Variants in DUSP11 observed in about 807,000 individuals in gnomAD.
DUSP11 encodes the protein RNA/RNP complex-1-interacting phosphatase.
Under a neutral mutation model 41.4 loss-of-function variants are expected in DUSP11, and 27 were observed. The observed-to-expected ratio is 0.65, with a 90% CI of 0.48 to 0.90. The LOEUF (loss-of-function observed/expected upper bound fraction) is 0.90. Among genes scored for constraint, DUSP11 ranks in the 40% least tolerant of loss-of-function variants. DUSP11 has a pLI of 0.00. For synonymous variants in DUSP11, 188 were observed against 159.3 expected, an observed-to-expected ratio of 1.18 and a Z score of -1.35; for missense variants, 465 against 461.1, an observed-to-expected ratio of 1.01 and a Z score of -0.08.
At chr2:73,778,275 A>G in intron 2 of DUSP11, 26 bp downstream of exon 2, 1 of 1,533,600 alleles carries the variant, frequency 6.5e-7, no homozygotes, top group South Asian at 1.2e-5. Flanking sequence ...GATGCCTGAA[A>G]GAATACTGAA....
chr2:73,779,046 G>A (rs569225923), intron 1 of DUSP11, among the ~76,000 whole-genome samples: 46 of 152,204 alleles, frequency 3.0e-4, no homozygotes, highest in African/African-American at 1.0e-3. Context: ...AGCAACTTGG[G>A]CGGCTGAGGG....
At chr2:73,766,518 G>T in exon 8 of DUSP11, 1 of 1,614,064 alleles carries the variant, frequency 6.2e-7, no homozygotes, top group Non-Finnish European at 8.5e-7. Flanking sequence ...TGTTTAACAG[G>T]CTTATTGTGG....
At chr2:73,769,197 C>A (rs1401283487) in intron 5 of DUSP11, 68 bp downstream of exon 5, 1 of 1,377,760 alleles carries the variant, frequency 7.3e-7, no homozygotes, top group African/African-American at 1.4e-5. Flanking sequence ...TTTTTTACAA[C>A]CTTACATTAC....
At chr2:73,769,363 G>C (rs774903850) in intron 4 of DUSP11, 38 bp from the exon 5 acceptor site, 1 of 1,418,840 alleles carries the variant, frequency 7.0e-7, no homozygotes, top group Non-Finnish European at 9.9e-7. Context: ...AACTGAAGTA[G>C]ATACACAAGT....
exon 1 of DUSP11, chr2:73,780,011 G>T (rs1672761732): frequency 6.2e-7 from 1 of 1,614,124 alleles, no homozygotes; most frequent in African/African-American, 1.3e-5. Context: ...ATGCCAAGTC[G>T]GCCAAAAGCG....
At chr2:73,777,009 C>G (rs956482499) in intron 2 of DUSP11, among the ~76,000 whole-genome samples, 2 of 152,202 alleles carry the variant, frequency 1.3e-5, no homozygotes, top group African/African-American at 2.4e-5. Flanking sequence ...GAGACAGGGT[C>G]TTGCTCTGTT....
intron 8 of DUSP11, among the ~76,000 whole-genome samples, chr2:73,763,660 T>G (rs1672404330): frequency 6.6e-6 from 1 of 151,844 alleles, no homozygotes; most frequent in Non-Finnish European, 1.5e-5. Flanking sequence ...GAGGTGGAGG[T>G]TGCGGTGAGC....
chr2:73,766,813 T>C lies in DUSP11; in HGVS notation c.758+15A>G. On this transcript the variant is annotated intron_variant, in intron 7 of 8. Coordinates refer to ENST00000272444, the Ensembl canonical transcript of DUSP11. ...CCCTGACCCACAAATCTCACATATA[T>C]AACATAAGACTTACTTTCTGATAGG... The C allele has an allele frequency of 6.3e-7, 1 of 1,591,390 alleles. No homozygotes were observed. Among genetic ancestry groups the C allele is most frequent in the Non-Finnish European group, 8.6e-7 (1 of 1,160,330 alleles).
In DUSP11 at chr2:73,779,797, AG is replaced by A. The variant is rs1672757188; in HGVS notation, c.242+76del. On this transcript the variant is annotated intron_variant, in intron 1 of 8. Transcript: ENST00000272444. Reference sequence around the variant, plus strand: ...GCTTGCGATGGCAACGGCGAGAGGCAGAGACCACAAACGATGAAGCCCAGAC... The same window carrying A: ...GCTTGCGATGGCAACGGCGAGAGGCAAGACCACAAACGATGAAGCCCAGAC... 9 of 1,584,248 alleles carry A rather than the reference AG, an allele frequency of 5.7e-6. 1 individual carries two copies. In the South Asian group the frequency reaches 1.0e-4, roughly 18 times the overall value.
rs574278061 is a variant in DUSP11 at position 73,780,051 on chromosome 2, G to C, written c.65C>G (p.Ser22Cys). Residue 22 changes from serine (S) to cysteine (C), a missense_variant, in exon 1 of 9, where the codon TCT becomes TGT. Coordinates refer to ENST00000272444, the Ensembl canonical transcript of DUSP11. ...TCCGGCGCCCTCAATGCCAGGATAA[G>C]ACCCTAAACAGGAAAAGACTCGGCA... 6.2e-6 allele frequency: 10 copies of C among 1,612,000 alleles called. No homozygotes were observed. The Admixed American group carries it at 1.2e-4, about 19-fold the overall frequency.
intron 4 of DUSP11, 80 bp downstream of exon 4, chr2:73,773,720 T>C (rs957502633): frequency 7.8e-6 from 11 of 1,403,224 alleles, no homozygotes; most frequent in South Asian, 5.8e-5. Flanking sequence ...AGGTCTGAGG[T>C]TGGAACTATA....
At position 73,780,062 on chromosome 2, in the gene DUSP11, G is replaced by T; in HGVS notation, c.54C>A (p.Ser18=). ...CAATGCCAGGATAAGACCCTAAACAGGAAAAGACTCGGCAGCCACCTACGC... is the reference window on the plus strand; with the variant it reads ...CAATGCCAGGATAAGACCCTAAACATGAAAAGACTCGGCAGCCACCTACGC... The change falls in exon 1 of 9, where the codon TCC becomes TCA. Residue 18 remains serine, a synonymous_variant. The change creates a new upstream start codon in the 5' untranslated region. Transcript: ENST00000272444. 3 of 1,607,880 alleles carry T rather than the reference G, an allele frequency of 1.9e-6. No homozygotes were observed. Among genetic ancestry groups the T allele is most frequent in the South Asian group, 2.2e-5 (2 of 90,628 alleles).
chr2:73,776,203 A>G (rs1672682166), intron 2 of DUSP11, among the ~76,000 whole-genome samples: 1 of 151,980 alleles, frequency 6.6e-6, no homozygotes, highest in South Asian at 2.1e-4. Flanking sequence ...TCACGAGGTC[A>G]GGAGATCGAG....
At chr2:73,767,106 AT>A (rs1672480252) in intron 6 of DUSP11, 54 bp downstream of exon 6, 12 of 1,505,714 alleles carry the variant, frequency 8.0e-6, no homozygotes, top group Non-Finnish European at 1.1e-5. Flanking sequence ...ATTCTTCTAC[AT>A]TTCCACCTTT....
intron 8 of DUSP11, 73 bp downstream of exon 8, chr2:73,766,345 C>T (rs1439727878): frequency 7.7e-7 from 1 of 1,297,766 alleles, no homozygotes; most frequent in African/African-American, 1.5e-5. Flanking sequence ...TCATCAGTAT[C>T]ATAATGTGTT....
intron 1 of DUSP11, among the ~76,000 whole-genome samples, chr2:73,778,600 A>G (rs1331177029): frequency 6.6e-6 from 1 of 152,196 alleles, no homozygotes; most frequent in Non-Finnish European, 1.5e-5. Context: ...ACACAACAGT[A>G]CAACTCAAAT....
At chr2:73,772,536 T>G (rs752862426) in intron 4 of DUSP11, among the ~76,000 whole-genome samples, 1 of 152,206 alleles carries the variant, frequency 6.6e-6, no homozygotes, top group Non-Finnish European at 1.5e-5. Context: ...TGTGTTCTCA[T>G]GTATTCATAA....
At chr2:73,777,121 C>G (rs1401384314) in intron 2 of DUSP11, among the ~76,000 whole-genome samples, 1 of 152,126 alleles carries the variant, frequency 6.6e-6, no homozygotes, top group Non-Finnish European at 1.5e-5. Context: ...GCTGAGACTA[C>G]AAGCACACGC....
rs138445483 is a variant in DUSP11 at position 73,769,739 on chromosome 2, G to C, written c.575-414C>G. 2.6e-5 allele frequency among the ~76,000 whole-genome samples: 4 copies of C among 152,318 alleles called. No homozygotes were observed. In the East Asian group the frequency reaches 5.8e-4, roughly 22 times the overall value. On this transcript the variant is annotated intron_variant, in intron 4 of 8. Coordinates refer to ENST00000272444, the Ensembl canonical transcript of DUSP11. ...TAAGGACAGTTTCCATAGTACTCTTGAGTTCCCGAAGAGCTTCTATTCCTT... is the reference window on the plus strand; with the variant it reads ...TAAGGACAGTTTCCATAGTACTCTTCAGTTCCCGAAGAGCTTCTATTCCTT...
Sources: allele counts gnomAD v4.1 joint callset (sites outside exome capture counted in the v4.1 genomes callset), GRCh38; gene constraint gnomAD v4.1.1; transcripts MANE v1.5; gene names NCBI Gene and HGNC (gene_info 2026-07-23, HGNC 2026-07-21).